Variants in DOP1B observed in about 807,000 individuals in gnomAD.
DOP1B encodes DOP1 leucine zipper like protein B, also known as protein DOP1B.
Under a neutral mutation model 233.5 loss-of-function variants are expected in DOP1B, and 174 were observed. That is an observed-to-expected ratio of 0.75 (90% CI 0.66 to 0.85). DOP1B has a LOEUF of 0.85. Ranked by LOEUF, DOP1B falls within the 40% of genes least tolerant of loss-of-function variation. The pLI is 0.00. For synonymous variants in DOP1B, 1,190 were observed against 1,185.6 expected, an observed-to-expected ratio of 1.00 and a Z score of -0.08; for missense variants, 2,652 against 2,846.6, an observed-to-expected ratio of 0.93 and a Z score of 1.56.
At chr21:36,229,037 A>G (rs77076966) in intron 13 of DOP1B, among the ~76,000 whole-genome samples, 7,524 of 152,272 alleles carry the variant, frequency 0.049, 380 homozygotes, top group African/African-American at 0.13. Flanking sequence ...CCTGCTCTGT[A>G]ACTGCAGTTA....
At chr21:36,197,126 GTT>G (rs1417499425) in intron 2 of DOP1B, among the ~76,000 whole-genome samples, 2 of 151,924 alleles carry the variant, frequency 1.3e-5, no homozygotes, top group African/African-American at 4.8e-5. Context: ...TAGAGACAGG[GTT>G]TCATCATGTT....
chr21:36,289,492 G>A (rs2067533107), intron 35 of DOP1B, among the ~76,000 whole-genome samples: 1 of 149,444 alleles, frequency 6.7e-6, no homozygotes, highest in Admixed American at 6.8e-5. Context: ...GCTACTGAAT[G>A]CTTATAAAAC....
At position 36,288,112 on chromosome 21, in the gene DOP1B, C is replaced by T; in HGVS notation, c.6259C>T (p.His2087Tyr). The change falls in exon 33 of 37, where the codon CAT (histidine) becomes TAT (tyrosine). Residue 2087 changes from histidine to tyrosine, a missense_variant. By Grantham distance (83) the His-to-Tyr change is moderately conservative. This residue lies in a region of DOP1B where 2,617 missense variants were observed against 2,794.3 expected (regional missense o/e 0.94). Transcript: ENST00000691173. ...RVLLLRISPQ[H>Y]LTSLWPIMVS... ...TTTGCTGCTAAGAATATCTCCTCAA[C>T]ATTTGACTTCATTGTGGCCAATAAT... 6.2e-7 allele frequency: 1 copy of T among 1,614,046 alleles called. No homozygotes were observed. Among genetic ancestry groups the T allele is most frequent in the Non-Finnish European group, 8.5e-7 (1 of 1,179,974 alleles).
chr21:36,197,112 T>G (rs1400022013), intron 2 of DOP1B, among the ~76,000 whole-genome samples: 6 of 152,004 alleles, frequency 3.9e-5, no homozygotes, highest in Admixed American at 2.0e-4. Flanking sequence ...TTTTGTGTCT[T>G]TAGTAGAGAC....
Position 36,293,487 on chromosome 21 carries a change from C to T in DOP1B, c.6813C>T (p.Asp2271=), listed in dbSNP as rs753032965. The T allele has an allele frequency of 3.1e-5, 50 of 1,614,036 alleles. No individual in the cohort carries two copies. Among genetic ancestry groups the T allele is most frequent in the Admixed American group, 1.3e-4 (8 of 59,998 alleles). ...PADSPGTPFL[D]FPVTDSPRIL... is the part of the protein sequence containing the mutation. ...ATAGCCCAGGAACTCCATTCTTGGA[C>T]TTTCCTGTCACAGATAGCCCAAGGA... is the stretch of plus-strand genomic sequence containing the variant. Residue 2271 remains aspartate, a synonymous_variant, in exon 37 of 37, where the codon GAC becomes GAT. Coordinates refer to ENST00000691173, the MANE Select transcript of DOP1B (RefSeq NM_001320714.2).
chr21:36,289,904 A>C lies in DOP1B; in HGVS notation c.6515+698A>C, dbSNP rs189873042. Among the ~76,000 whole-genome samples, 8 of 152,310 alleles carry C rather than the reference A, an allele frequency of 5.3e-5. No individual in the cohort carries two copies. The East Asian group carries it at 1.5e-3, about 29-fold the overall frequency. ...AGGGGTTGGGGAGAGGGAGGCAGGGATGAATGGGTGAAGCACAGAGGATTT... is the reference window on the plus strand; with the variant it reads ...AGGGGTTGGGGAGAGGGAGGCAGGGCTGAATGGGTGAAGCACAGAGGATTT... On this transcript the variant is annotated intron_variant, in intron 35 of 36. Coordinates refer to ENST00000691173, the MANE Select transcript of DOP1B (RefSeq NM_001320714.2).
chr21:36,173,709 C>T (rs1017948664), intron 2 of DOP1B, among the ~76,000 whole-genome samples: 4 of 152,064 alleles, frequency 2.6e-5, no homozygotes, highest in African/African-American at 7.2e-5. Context: ...AGGCGTGAGC[C>T]GCCGCGCCCG....
chr21:36,164,457 G>C (rs1407761147), intron 1 of DOP1B: 1 of 233,020 alleles, frequency 4.3e-6, no homozygotes, highest in Non-Finnish European at 8.2e-6. Context: ...CAGTTACTTG[G>C]AGCCCTAGCA....
rs140431407 is a variant in DOP1B at position 36,237,272 on chromosome 21, G to T, written c.2633G>T (p.Arg878Leu). 3 of 1,614,104 alleles carry T rather than the reference G, an allele frequency of 1.9e-6. No homozygotes were observed. The highest frequency in any genetic ancestry group is 2.7e-5 in the African/African-American group (2 of 75,036). ...EKTDFYQRVARVLWNQLNKET... is the reference protein window; with the variant it reads ...EKTDFYQRVALVLWNQLNKET... ...TTTTCCTTGTCCCAGAGGGTGGCTCGTGTGCTTTGGAATCAGCTGAACAAA... is the reference window on the plus strand; with the variant it reads ...TTTTCCTTGTCCCAGAGGGTGGCTCTTGTGCTTTGGAATCAGCTGAACAAA... The change falls in exon 16 of 37, where the codon CGT (arginine) becomes CTT (leucine). Residue 878 changes from arginine (R) to leucine (L), a missense_variant. Coordinates refer to ENST00000691173, the MANE Select transcript of DOP1B (RefSeq NM_001320714.2).
intron 2 of DOP1B, among the ~76,000 whole-genome samples, chr21:36,197,611 TG>T (rs1446555750): frequency 6.6e-6 from 1 of 152,242 alleles, no homozygotes; most frequent in Non-Finnish European, 1.5e-5. Flanking sequence ...ATGGGGGCAC[TG>T]AGCTAAATCA....
Position 36,164,843 on chromosome 21 carries a change from T to G in DOP1B, c.110T>G (p.Leu37Arg). 1 of 1,610,876 alleles carries G rather than the reference T, an allele frequency of 6.2e-7. No individual in the cohort carries two copies. The highest frequency in any genetic ancestry group is 1.3e-5 in the African/African-American group (1 of 74,842). ...NFESSSEWAD[L>R]ISSLGKLNKA... The stretch of plus-strand genomic sequence containing the variant: ...GAGTCCTCGAGTGAATGGGCGGATC[T>G]CATATCTTCACTTGGCAAACTCAAC... Residue 37 changes from leucine to arginine, a missense_variant, in exon 2 of 37, where the codon CTC (leucine) becomes CGC (arginine). Transcript: ENST00000691173.
chr21:36,183,862 G>GTTACT (rs2066131213), intron 2 of DOP1B, among the ~76,000 whole-genome samples: 1 of 141,024 alleles, frequency 7.1e-6, no homozygotes, highest in Non-Finnish European at 1.5e-5. Flanking sequence ...TGTGTACATG[G>GTTACT]TTTCTTTTTT....
At chr21:36,277,475 G>T (rs1190867550) in intron 28 of DOP1B, among the ~76,000 whole-genome samples, 1 of 151,862 alleles carries the variant, frequency 6.6e-6, no homozygotes, top group Non-Finnish European at 1.5e-5. Flanking sequence ...TAGAGACGGG[G>T]TTTCACTGTG....
chr21:36,246,575 A>T lies in DOP1B; in HGVS notation c.4595A>T (p.Lys1532Met), dbSNP rs140716169. The T allele has an allele frequency of 1.2e-6, 2 of 1,614,050 alleles. No homozygotes were observed. Among genetic ancestry groups the T allele is most frequent in the African/African-American group, 2.7e-5 (2 of 74,942 alleles). Residue 1532 changes from lysine to methionine, a missense_variant, in exon 19 of 37, where the codon AAG becomes ATG. Physicochemically the swap from Lys to Met is moderately conservative, Grantham distance 95 (BLOSUM62 -1). Coordinates refer to ENST00000691173, the MANE Select transcript of DOP1B (RefSeq NM_001320714.2). This position sits in a 1 kb window ranked among gnomAD's most constrained non-coding sequence, Gnocchi z 5.1. ...ACGCATTCCTTGCCCTACTTCGGAA[A>T]GTCCCTGGGCTGGACGGTGACACCC... ...LVTHSLPYFG[K>M]SLGWTVTPFV...
chr21:36,247,842 T>C (rs1335259633), intron 20 of DOP1B, among the ~76,000 whole-genome samples: 1 of 152,270 alleles, frequency 6.6e-6, no homozygotes, highest in African/African-American at 2.4e-5. Flanking sequence ...CGCAAATGCA[T>C]ATGCAAATGC....
chr21:36,192,425 G>A (rs578100429), intron 2 of DOP1B, among the ~76,000 whole-genome samples: 5 of 149,338 alleles, frequency 3.3e-5, no homozygotes, highest in African/African-American at 1.2e-4. Flanking sequence ...AGTCGCCCAG[G>A]CTGGAGTACA....
Position 36,263,541 on chromosome 21 carries a change from A to C in DOP1B, c.5316-5A>C, listed in dbSNP as rs2067197960. The C allele has an allele frequency of 1.2e-6, 2 of 1,612,508 alleles. No homozygotes were observed. Among genetic ancestry groups the C allele is most frequent in the Non-Finnish European group, 1.7e-6 (2 of 1,179,086 alleles). On this transcript the variant is annotated splice_region_variant and splice_polypyrimidine_tract_variant and intron_variant, in intron 24 of 36. Transcript: ENST00000691173. ...GAGTATTTTTCCTATCTTTTAAAAAAACAGGCTCCCAGTACCAGCCTTGCA... is the reference window on the plus strand; with the variant it reads ...GAGTATTTTTCCTATCTTTTAAAAACACAGGCTCCCAGTACCAGCCTTGCA...
rs777350986 is a variant in DOP1B, at chr21:36,248,390, C to T, written c.4820C>T (p.Ala1607Val). The T allele has an allele frequency of 1.7e-5, 28 of 1,613,224 alleles. No individual in the cohort carries two copies. In the East Asian group the frequency reaches 5.6e-4, roughly 32 times the overall value. Residue 1607 changes from alanine to valine, a missense_variant, in exon 21 of 37, where the codon GCA becomes GTA. Ala to Val is a moderately conservative substitution (Grantham distance 64). This residue lies in a region of DOP1B where 2,617 missense variants were observed against 2,794.3 expected (regional missense o/e 0.94). Transcript: ENST00000691173. ...CATTTTAATTTTTAGACCATGGCTG[C>T]AGGTGATCCTGCCAACTTGAGGAAT... The part of the protein sequence containing the change: ...QANQNKKTMA[A>V]GDPANLRNAR...
intron 7 of DOP1B, among the ~76,000 whole-genome samples, chr21:36,213,427 G>A (rs2066523345): frequency 6.6e-6 from 1 of 152,012 alleles, no homozygotes; most frequent in Non-Finnish European, 1.5e-5. Flanking sequence ...CAGGGCTCCA[G>A]CTGATGGGAG....
Sources: allele counts gnomAD v4.1 joint callset (sites outside exome capture counted in the v4.1 genomes callset), GRCh38; gene constraint gnomAD v4.1.1; regional missense constraint gnomAD v4.1.1; non-coding constraint Gnocchi (gnomAD v3.1); transcripts MANE v1.5; gene names NCBI Gene and HGNC (gene_info 2026-07-23, HGNC 2026-07-21).